The following ZNF326 variants were observed in gnomAD, a reference collection of about 807,000 sequenced individuals.
The protein encoded by ZNF326 is zinc finger protein 326, also known as DBIRD complex subunit ZNF326.
ZNF326 carries 30 observed loss-of-function variants against 63.1 expected under a neutral mutation model. The ratio of observed to expected loss-of-function variants is 0.48; its 90% confidence interval spans 0.36 to 0.64. ZNF326 has a LOEUF of 0.64. Among genes scored for constraint, ZNF326 ranks in the 30% least tolerant of loss-of-function variants. ZNF326 has a pLI of 0.00. For missense variants in ZNF326, 609 were observed against 720.3 expected (o/e 0.85, Z 1.77); for synonymous variants, 194 against 228.2 (o/e 0.85, Z 1.35).
At chr1:90,020,400 G>A (rs1338701363) in intron 9 of ZNF326, among the ~76,000 whole-genome samples, 1 of 151,976 alleles carries the variant, frequency 6.6e-6, no homozygotes, top group Non-Finnish European at 1.5e-5. Context: ...GAATACCTTT[G>A]TTCCTTATGA....
In ZNF326 at chr1:90,013,056, C is replaced by T. The variant is rs74746856; in HGVS notation, c.815-70C>T. 1,805 of 1,342,536 alleles carry T rather than the reference C, an allele frequency of 1.3e-3. 18 individuals carry two copies. In the African/African-American group the frequency reaches 0.023, roughly 17 times the overall value. 83.2% of individuals were successfully genotyped at this position (1,342,536 alleles called of 1,614,324 possible). A position where few individuals can be genotyped will look rare whatever the true frequency, so the allele number is the denominator to read the frequency against. On this transcript the variant is annotated intron_variant, in intron 6 of 11. Transcript: ENST00000340281. ...GTATACCTCATAAGTATGTACTTTA[C>T]GAACTGATGATTGGAAAGAGAGAAT... is the stretch of plus-strand genomic sequence containing the variant.
chr1:90,025,830 G>A (rs1649990642), intron 11 of ZNF326, among the ~76,000 whole-genome samples: 1 of 152,146 alleles, frequency 6.6e-6, no homozygotes, highest in African/African-American at 2.4e-5. Context: ...ATTAACTCTA[G>A]TGACCTTTTT....
Position 90,007,415 on chromosome 1 carries a change from G to A in ZNF326, c.280G>A (p.Gly94Ser). Residue 94 changes from glycine to serine, a missense_variant, in exon 5 of 12, where the codon GGT (glycine) becomes AGT (serine). Transcript: ENST00000340281. The surrounding 1 kb of genome is among the most constrained non-coding windows in gnomAD (Gnocchi z 4.9). Reference protein sequence around the residue: ...GGRDLYRSGYGFNEPEQSRFG... With the variant: ...GGRDLYRSGYSFNEPEQSRFG... ...GCGAGATCTGTACAGATCTGGCTAT[G>A]GTTTTAATGAACCCGAACAAAGCCG... is the stretch of plus-strand genomic sequence containing the variant. The A allele has an allele frequency of 6.2e-7, 1 of 1,614,070 alleles. No individual in the cohort carries two copies. Among genetic ancestry groups the A allele is most frequent in the Non-Finnish European group, 8.5e-7 (1 of 1,179,988 alleles).
At chr1:90,017,682 C>T (rs770514406) in intron 8 of ZNF326, among the ~76,000 whole-genome samples, 3 of 152,176 alleles carry the variant, frequency 2.0e-5, no homozygotes, top group African/African-American at 4.8e-5. Flanking sequence ...TTCACAGTTT[C>T]TGCGGGAGGT....
chr1:90,020,079 A>G lies in ZNF326; in HGVS notation c.1175-713A>G, dbSNP rs1649690997. 2.0e-5 allele frequency among the ~76,000 whole-genome samples: 3 copies of G among 151,976 alleles called. 1 individual carries two copies. In the South Asian group the frequency reaches 6.2e-4, roughly 32 times the overall value. On this transcript the variant is annotated intron_variant, in intron 9 of 11. Transcript: ENST00000340281. Reference sequence around the variant, plus strand: ...TCAAATCCTTTTCTGTTGTCTTGACAATTGTAGTATTTCCGAAGTAGTTTC... The same window carrying G: ...TCAAATCCTTTTCTGTTGTCTTGACGATTGTAGTATTTCCGAAGTAGTTTC...
In ZNF326 at chr1:90,035,259, G is replaced by A. The variant is rs1350301379; in HGVS notation, c.*7558G>A. 1 of 152,186 alleles carries A rather than the reference G, an allele frequency of 6.6e-6. No individual in the cohort carries two copies. The highest frequency in any genetic ancestry group is 1.5e-5 in the Non-Finnish European group (1 of 68,012). The allele number at this position is 152,186 out of a possible 1,614,324, so 9.4% of individuals were successfully genotyped here. Reference sequence around the variant, plus strand: ...ACATAGTCCTTATTTTGAGCAGTGTGATTGTAGAGACAAACATCCAAGAGA... The same window carrying A: ...ACATAGTCCTTATTTTGAGCAGTGTAATTGTAGAGACAAACATCCAAGAGA... On this transcript the variant is annotated 3_prime_UTR_variant, in exon 12 of 12. Coordinates refer to ENST00000340281, the MANE Select transcript of ZNF326 (RefSeq NM_182976.4).
At chr1:90,013,982 G>A (rs1381814434) in intron 7 of ZNF326, among the ~76,000 whole-genome samples, 2 of 151,826 alleles carry the variant, frequency 1.3e-5, no homozygotes, top group African/African-American at 2.4e-5. Flanking sequence ...GGACGATGGC[G>A]TGAACCCGGG....
chr1:90,018,865 A>G (rs1281878666), intron 9 of ZNF326, 81 bp downstream of exon 9: 1 of 774,630 alleles, frequency 1.3e-6, no homozygotes, highest in African/African-American at 1.8e-5. Flanking sequence ...AATGATAGCC[A>G]CTAGAGTGAT....
chr1:90,002,710 C>T (rs1211342768), intron 2 of ZNF326, among the ~76,000 whole-genome samples: 1 of 152,132 alleles, frequency 6.6e-6, no homozygotes, highest in Non-Finnish European at 1.5e-5. Context: ...GTGTAAATTA[C>T]ACACCAGATT....
rs762634277 is a variant in ZNF326, at chr1:90,027,423, G to A, written c.1471G>A (p.Glu491Lys). The change falls in exon 12 of 12, where the codon GAG (glutamate) becomes AAG (lysine). Residue 491 changes from glutamate (E) to lysine (K), a missense_variant. Transcript: ENST00000340281. Reference sequence around the variant, plus strand: ...AATAGAAGGAGATGAGGAGGATGAAGAGAAGATTGATGAACCTATTGAAGA... The same window carrying A: ...AATAGAAGGAGATGAGGAGGATGAAAAGAAGATTGATGAACCTATTGAAGA... ...QQIEGDEEDE[E>K]KIDEPIEEEE... 1.2e-6 allele frequency: 2 copies of A among 1,613,874 alleles called. No individual in the cohort carries two copies. The highest frequency in any genetic ancestry group is 2.2e-5 in the South Asian group (2 of 91,066).
chr1:90,017,498 A>T, intron 8 of ZNF326, 34 bp downstream of exon 8: 1 of 1,539,696 alleles, frequency 6.5e-7, no homozygotes, highest in Non-Finnish European at 8.7e-7. Context: ...GAAGCATTTT[A>T]TTGATATGAA....
chr1:90,003,211 A>G (rs1200448168), intron 2 of ZNF326, among the ~76,000 whole-genome samples: 1 of 151,620 alleles, frequency 6.6e-6, no homozygotes, highest in Non-Finnish European at 1.5e-5. Flanking sequence ...GCTCACTGCA[A>G]GCTCCACCTC....
intron 9 of ZNF326, among the ~76,000 whole-genome samples, chr1:90,019,881 T>C (rs1412446537): frequency 6.6e-6 from 1 of 152,126 alleles, no homozygotes; most frequent in Non-Finnish European, 1.5e-5. Flanking sequence ...AGTTTTTTCC[T>C]TCACGTATCT....
chr1:89,999,533 A>T (rs965209011), intron 2 of ZNF326, among the ~76,000 whole-genome samples: 4 of 152,092 alleles, frequency 2.6e-5, no homozygotes, highest in Non-Finnish European at 5.9e-5. Context: ...TTTTTCTCTT[A>T]ATTTTAGTTA....
At chr1:90,017,251 A>G in intron 7 of ZNF326, 66 bp from the exon 8 acceptor site, 1 of 1,136,654 alleles carries the variant, frequency 8.8e-7, no homozygotes, top group South Asian at 1.7e-5. Flanking sequence ...TCAATGTTAT[A>G]TTCTTATGAA....
Position 90,010,153 on chromosome 1 carries a change from C to T in ZNF326, c.681C>T (p.Thr227=). The change falls in exon 6 of 12, where the codon ACC becomes ACT. Residue 227 remains threonine, a synonymous_variant. Coordinates refer to ENST00000340281, the MANE Select transcript of ZNF326 (RefSeq NM_182976.4). ...TTGTTGACTATCAAAACAAATCCAC[C>T]AATGTGACAGTTGCTGCTGCAAGAG... is the stretch of plus-strand genomic sequence containing the variant. The part of the protein sequence containing the change: ...GIVVDYQNKS[T]NVTVAAARGI... 1 of 1,613,744 alleles carries T rather than the reference C, an allele frequency of 6.2e-7. No individual in the cohort carries two copies. The highest frequency in any genetic ancestry group is 8.5e-7 in the Non-Finnish European group (1 of 1,179,814).
intron 8 of ZNF326, among the ~76,000 whole-genome samples, chr1:90,018,028 T>C (rs1187958755): frequency 6.6e-6 from 1 of 152,194 alleles, no homozygotes; most frequent in Non-Finnish European, 1.5e-5. Context: ...GCGCAGTGGC[T>C]CACGCCTGTA....
Position 90,010,140 on chromosome 1 carries a change from A to G in ZNF326, c.668A>G (p.Gln223Arg), listed in dbSNP as rs1169891794. ...IHRPGIVVDY[Q>R]NKSTNVTVAA... is the part of the protein sequence containing the mutation. ...AGACCCGGAATTGTTGTTGACTATC[A>G]AAACAAATCCACCAATGTGACAGTT... is the stretch of plus-strand genomic sequence containing the variant. The change falls in exon 6 of 12, where the codon CAA becomes CGA. Residue 223 changes from glutamine (Q) to arginine (R), a missense_variant. Physicochemically the swap from Gln to Arg is conservative, Grantham distance 43. This residue lies in a region of ZNF326 where 399 missense variants were observed against 444.3 expected (regional missense o/e 0.90). Coordinates refer to ENST00000340281, the MANE Select transcript of ZNF326 (RefSeq NM_182976.4). The G allele has an allele frequency of 3.7e-6, 6 of 1,613,782 alleles. No individual in the cohort carries two copies. In the South Asian group the frequency reaches 6.6e-5, roughly 18 times the overall value.
chr1:90,019,709 T>A (rs1441204597), intron 9 of ZNF326, among the ~76,000 whole-genome samples: 1 of 152,134 alleles, frequency 6.6e-6, no homozygotes, highest in East Asian at 1.9e-4. Context: ...TGCTTATACA[T>A]CTATGTTTCT....
Sources: gnomAD v4.1 joint callset for allele counts (sites outside exome capture counted in the v4.1 genomes callset) on GRCh38, gnomAD v4.1.1 for gene constraint, gnomAD v4.1.1 regional missense constraint, Gnocchi (gnomAD v3.1) non-coding constraint, MANE v1.5 for transcripts, NCBI Gene and HGNC (gene_info 2026-07-23, HGNC 2026-07-21) for gene names.